Variants in PATJ observed in about 807,000 individuals in gnomAD.
PATJ encodes PATJ crumbs cell polarity complex component.
A neutral mutation model predicts 224.9 loss-of-function variants in PATJ; 190 were observed. The observed-to-expected ratio is 0.84, with a 90% CI of 0.75 to 0.95. The LOEUF is 0.95. Among genes scored for constraint, PATJ ranks in the 40% least tolerant of loss-of-function variants. PATJ has a pLI of 0.00. For missense variants in PATJ, 2,121 were observed against 2,270.3 expected (o/e 0.93, Z 1.34); for synonymous variants, 769 against 820.3 (o/e 0.94, Z 1.07).
intron 27 of PATJ, among the ~76,000 whole-genome samples, chr1:61,982,087 A>T (rs1344649758): frequency 6.6e-6 from 1 of 151,928 alleles, no homozygotes; most frequent in African/African-American, 2.4e-5. Context: ...TGACCTTCTT[A>T]GGTTTTGTGG....
chr1:62,034,709 T>G (rs1437694353), intron 29 of PATJ, among the ~76,000 whole-genome samples: 2 of 152,214 alleles, frequency 1.3e-5, no homozygotes, highest in East Asian at 1.9e-4. Context: ...CTGTAACTTC[T>G]TATAGCAGCT....
chr1:61,898,556 G>T (rs531061418), intron 22 of PATJ, among the ~76,000 whole-genome samples: 33 of 152,172 alleles, frequency 2.2e-4, no homozygotes, highest in Admixed American at 2.0e-3. Context: ...TTATGAAAAT[G>T]AAGTGGAAGA....
intron 37 of PATJ, among the ~76,000 whole-genome samples, chr1:62,119,602 T>C (rs1664825752): frequency 6.6e-6 from 1 of 152,166 alleles, no homozygotes; most frequent in African/African-American, 2.4e-5. Flanking sequence ...GCGAGATCTT[T>C]TCCTCAGCCA....
chr1:61,983,526 T>C (rs985241434), intron 27 of PATJ, among the ~76,000 whole-genome samples: 1 of 152,126 alleles, frequency 6.6e-6, no homozygotes, highest in Admixed American at 6.5e-5. Context: ...GGGATAATTA[T>C]CTTTGAGAAA....
chr1:62,047,559 C>CTT (rs1652793103), intron 30 of PATJ, among the ~76,000 whole-genome samples: 1 of 152,106 alleles, frequency 6.6e-6, no homozygotes. Context: ...CCAACATTGA[C>CTT]TATTTCAAAG....
At chr1:61,814,519 A>AGTGTGTGTGTGTGTGTGTGT (rs67159092) in intron 14 of PATJ, among the ~76,000 whole-genome samples, 3 of 143,978 alleles carry the variant, frequency 2.1e-5, no homozygotes, top group African/African-American at 7.9e-5. Flanking sequence ...CCTTTTGTTT[A>AGTGTGTGTGTGTGTGTGTGT]GTGTGTGTGT....
At chr1:61,984,807 T>G (rs1195735837) in intron 27 of PATJ, among the ~76,000 whole-genome samples, 1 of 152,050 alleles carries the variant, frequency 6.6e-6, no homozygotes, top group Non-Finnish European at 1.5e-5. Context: ...CAGCTACTGG[T>G]ATTTTTCTCA....
At chr1:62,038,114 T>G in intron 30 of PATJ, 65 bp downstream of exon 30, 1 of 1,017,818 alleles carries the variant, frequency 9.8e-7, no homozygotes, top group Non-Finnish European at 1.4e-6. Flanking sequence ...TTTCCCCCAA[T>G]CTGACATTTT....
intron 26 of PATJ, among the ~76,000 whole-genome samples, chr1:61,919,331 A>T (rs1229005869): frequency 6.8e-6 from 1 of 147,270 alleles, no homozygotes; most frequent in Non-Finnish European, 1.5e-5. Context: ...TTTTTTTTGG[A>T]GACACAGCCC....
At chr1:62,106,395 C>T (rs753500348) in intron 33 of PATJ, among the ~76,000 whole-genome samples, 40 of 150,186 alleles carry the variant, frequency 2.7e-4, no homozygotes, top group East Asian at 7.8e-4. Context: ...TACCTGAGCC[C>T]GGGAGGTCGA....
At chr1:61,996,261 A>C (rs1569818166) in intron 28 of PATJ, among the ~76,000 whole-genome samples, 1 of 152,156 alleles carries the variant, frequency 6.6e-6, no homozygotes, top group East Asian at 1.9e-4. Context: ...AAGAGAAAAA[A>C]CCGAAACCAT....
At chr1:61,991,150 A>G (rs1645035973) in intron 28 of PATJ, among the ~76,000 whole-genome samples, 1 of 152,100 alleles carries the variant, frequency 6.6e-6, no homozygotes. Flanking sequence ...AACAGACGTG[A>G]AAAGATATTT....
At chr1:62,113,002 TAAC>T (rs1172390167) in intron 34 of PATJ, among the ~76,000 whole-genome samples, 8 of 152,202 alleles carry the variant, frequency 5.3e-5, no homozygotes, top group Admixed American at 2.0e-4. Context: ...ATGGTGATAA[TAAC>T]AATATCTATT....
intron 33 of PATJ, among the ~76,000 whole-genome samples, chr1:62,090,884 C>G (rs141352611): frequency 7.9e-5 from 12 of 152,318 alleles, no homozygotes; most frequent in Admixed American, 5.2e-4. Flanking sequence ...GAAGTTTTAT[C>G]AGCAATACCC....
rs118086118 is a variant in PATJ, at chr1:62,037,172, A to G, written c.3960-805A>G. Among the ~76,000 whole-genome samples the G allele has an allele frequency of 8.5e-5, 13 of 152,336 alleles. No individual in the cohort carries two copies. In the East Asian group the frequency reaches 2.3e-3, roughly 27 times the overall value. On this transcript the variant is annotated intron_variant, in intron 29 of 43. Transcript: ENST00000642238. ...CATTGATTGTGAGCTTCCTTGGTTT[A>G]TATTGTGAAACATAAAATCAAACTT...
intron 24 of PATJ, 142 bp downstream of exon 24, chr1:61,901,601 C>T: frequency 3.5e-6 from 2 of 571,624 alleles, no homozygotes; most frequent in Admixed American, 4.1e-5. Flanking sequence ...TTAGTTTGTA[C>T]ATTGTATGCA....
chr1:61,819,389 T>A (rs1353174566), intron 14 of PATJ, among the ~76,000 whole-genome samples: 1 of 152,204 alleles, frequency 6.6e-6, no homozygotes, highest in Non-Finnish European at 1.5e-5. Context: ...ATTTATGTAT[T>A]TGCTTTGTCT....
intron 3 of PATJ, among the ~76,000 whole-genome samples, chr1:61,765,290 G>A (rs1195533975): frequency 6.6e-6 from 1 of 151,132 alleles, no homozygotes. Context: ...TGCCCAGGCT[G>A]GTCTTGAACT....
Position 62,108,446 on chromosome 1 carries a change from G to A in PATJ, c.4387G>A (p.Val1463Ile). The change falls in exon 34 of 44, where the codon GTT becomes ATT. Residue 1463 changes from valine to isoleucine, a missense_variant. Physicochemically the swap from Val to Ile is conservative, Grantham distance 29 (BLOSUM62 3). Transcript: ENST00000642238. ...GGKDTPLNAI[V>I]IHEVYEEGAA... Reference sequence around the variant, plus strand: ...ATTTTATTTTTTATAGAATGCTATAGTTATCCATGAAGTCTATGAAGAAGG... The same window carrying A: ...ATTTTATTTTTTATAGAATGCTATAATTATCCATGAAGTCTATGAAGAAGG... The A allele has an allele frequency of 6.2e-7, 1 of 1,605,704 alleles. No homozygotes were observed. The highest frequency in any genetic ancestry group is 1.1e-5 in the South Asian group (1 of 90,316).
Sources: gnomAD v4.1 joint callset for allele counts (sites outside exome capture counted in the v4.1 genomes callset) on GRCh38, gnomAD v4.1.1 for gene constraint, MANE v1.5 for transcripts, NCBI Gene and HGNC (gene_info 2026-07-23, HGNC 2026-07-21) for gene names.